The following RCOR1 variants were observed in gnomAD, a reference collection of about 807,000 sequenced individuals.
RCOR1 encodes the protein REST corepressor 1.
Under a neutral mutation model 64.0 loss-of-function variants are expected in RCOR1, and 12 were observed. That is an observed-to-expected ratio of 0.19 (90% CI 0.12 to 0.30). The LOEUF (loss-of-function observed/expected upper bound fraction) is 0.30, where lower values mean the gene tolerates loss of function less well. RCOR1 is among the 10% of genes least tolerant of loss of function. The pLI is 1.00. For synonymous variants in RCOR1, 279 were observed against 227.2 expected (o/e 1.23, Z -2.05); for missense variants, 502 against 621.2 (o/e 0.81, Z 2.04).
chr14:102,666,435 A>G (rs1037021897), intron 2 of RCOR1, among the ~76,000 whole-genome samples: 12 of 152,216 alleles, frequency 7.9e-5, no homozygotes, highest in Non-Finnish European at 1.5e-4. Context: ...TTACATTAGT[A>G]TGGTACATTT....
intron 2 of RCOR1, among the ~76,000 whole-genome samples, chr14:102,677,164 C>G (rs1338594480): frequency 9.5e-5 from 13 of 136,962 alleles, no homozygotes; most frequent in East Asian, 2.3e-4. Context: ...GGGGCTGACC[C>G]CCCCCCACCT....
chr14:102,650,599 C>T (rs552865387), intron 2 of RCOR1, among the ~76,000 whole-genome samples: 11 of 152,234 alleles, frequency 7.2e-5, no homozygotes, highest in Admixed American at 3.3e-4. Context: ...GGAAGTCAGA[C>T]GTGAAAGTTG....
chr14:102,707,300 T>G, intron 4 of RCOR1, 51 bp from the exon 5 acceptor site: 1 of 1,404,130 alleles, frequency 7.1e-7, no homozygotes. Flanking sequence ...CTCATTTCCA[T>G]TTTCATTGTT....
chr14:102,647,736 T>G (rs76298324), intron 2 of RCOR1, among the ~76,000 whole-genome samples: 19,202 of 152,196 alleles, frequency 0.13, 1,454 homozygotes, highest in African/African-American at 0.21. Flanking sequence ...TGGGGCCCAG[T>G]GGCAAGATCT....
At chr14:102,594,327 G>GT (rs1893200513) in intron 2 of RCOR1, among the ~76,000 whole-genome samples, 1 of 150,478 alleles carries the variant, frequency 6.6e-6, no homozygotes, top group African/African-American at 2.4e-5. Flanking sequence ...CTGGGGTTCT[G>GT]TATGTGGGTT....
At chr14:102,595,611 T>C (rs1383757961) in intron 2 of RCOR1, among the ~76,000 whole-genome samples, 1 of 151,604 alleles carries the variant, frequency 6.6e-6, no homozygotes, top group East Asian at 1.9e-4. Context: ...GGAGTCTTGC[T>C]CTGTCCCTCA....
intron 2 of RCOR1, among the ~76,000 whole-genome samples, chr14:102,653,242 G>A (rs1314885363): frequency 6.6e-6 from 1 of 151,226 alleles, no homozygotes; most frequent in Non-Finnish European, 1.5e-5. Flanking sequence ...TTTTAATTGA[G>A]ACTTGTCTTA....
chr14:102,711,290 A>G (rs1595241797), intron 7 of RCOR1, among the ~76,000 whole-genome samples: 1 of 152,362 alleles, frequency 6.6e-6, no homozygotes, highest in East Asian at 1.9e-4. Context: ...TTCGTAAGCC[A>G]TTAGCTCAGT....
intron 2 of RCOR1, among the ~76,000 whole-genome samples, chr14:102,620,284 G>A (rs1893848353): frequency 6.6e-6 from 1 of 151,326 alleles, no homozygotes; most frequent in Non-Finnish European, 1.5e-5. Flanking sequence ...AAAATTAGTC[G>A]CGGCGGGGTG....
intron 2 of RCOR1, among the ~76,000 whole-genome samples, chr14:102,622,511 A>G (rs1893894989): frequency 6.6e-6 from 1 of 151,350 alleles, no homozygotes; most frequent in Non-Finnish European, 1.5e-5. Context: ...CTTTTCATGG[A>G]CTCTGCATTT....
chr14:102,689,475 A>T (rs1895489916), intron 3 of RCOR1, among the ~76,000 whole-genome samples: 1 of 152,162 alleles, frequency 6.6e-6, no homozygotes, highest in Non-Finnish European at 1.5e-5. Flanking sequence ...GAAGGAGCAA[A>T]TTTCTCAGAT....
chr14:102,625,939 C>G (rs1468111218), intron 2 of RCOR1, among the ~76,000 whole-genome samples: 1 of 152,144 alleles, frequency 6.6e-6, no homozygotes, highest in Non-Finnish European at 1.5e-5. Flanking sequence ...TTCTTAGTTC[C>G]TTGACCTCTA....
intron 2 of RCOR1, among the ~76,000 whole-genome samples, chr14:102,638,158 T>C (rs749894659): frequency 6.6e-6 from 1 of 152,194 alleles, no homozygotes; most frequent in Admixed American, 6.5e-5. Context: ...ATTTTGGGGA[T>C]AGCACACATA....
At chr14:102,605,041 CTGGGTGA>C (rs1300639958) in intron 2 of RCOR1, among the ~76,000 whole-genome samples, 20 of 143,998 alleles carry the variant, frequency 1.4e-4, no homozygotes, top group Non-Finnish European at 2.5e-4. Flanking sequence ...GCACTCCAGC[CTGGGTGA>C]CAGAGCAATA....
intron 2 of RCOR1, among the ~76,000 whole-genome samples, chr14:102,629,533 A>G (rs1169914948): frequency 6.6e-6 from 1 of 151,336 alleles, no homozygotes; most frequent in Non-Finnish European, 1.5e-5. Flanking sequence ...ATACGGACGG[A>G]ATTTCGAAGC....
At chr14:102,649,511 A>G (rs1016197977) in intron 2 of RCOR1, among the ~76,000 whole-genome samples, 8 of 152,236 alleles carry the variant, frequency 5.3e-5, no homozygotes, top group African/African-American at 1.9e-4. Flanking sequence ...TGTGACTTCT[A>G]TTCCATGCAC....
At chr14:102,637,157 T>TA (rs1340004491) in intron 2 of RCOR1, among the ~76,000 whole-genome samples, 1 of 150,506 alleles carries the variant, frequency 6.6e-6, no homozygotes, top group Non-Finnish European at 1.5e-5. Flanking sequence ...GACGGAGTCT[T>TA]ACTCTGTCGC....
Position 102,730,156 on chromosome 14 carries a change from C to T in RCOR1, c.*3650C>T, listed in dbSNP as rs1048296648. The T allele has an allele frequency of 1.0e-5, 4 of 397,660 alleles. No homozygotes were observed. Among genetic ancestry groups the T allele is most frequent in the South Asian group, 1.4e-4 (1 of 7,032 alleles). The allele number at this position is 397,660 out of a possible 1,614,324, so 24.6% of individuals were successfully genotyped here. On this transcript the variant is annotated 3_prime_UTR_variant, in exon 12 of 12. Transcript: ENST00000262241. ...CCTTCTCCTAAAACGAAATTTATAC[C>T]GGGGTGGATAGTATTCCATTAGGTA...
In RCOR1 at chr14:102,681,931, T is replaced by C; in HGVS notation, c.398T>C (p.Leu133Pro). Residue 133 changes from leucine to proline, a missense_variant, in exon 3 of 12, where the codon CTT (leucine) becomes CCT (proline). Transcript: ENST00000262241. ...AGACGCAGTCAAGAACGGGACAATC[T>C]TGGCATGTTGGTCTGGTCACCCAAT... ...LARRSQERDN[L>P]GMLVWSPNQN... The C allele has an allele frequency of 6.2e-7, 1 of 1,614,046 alleles. No individual in the cohort carries two copies. Among genetic ancestry groups the C allele is most frequent in the Non-Finnish European group, 8.5e-7 (1 of 1,179,896 alleles).
Sources: gnomAD v4.1 joint callset for allele counts (sites outside exome capture counted in the v4.1 genomes callset) on GRCh38, gnomAD v4.1.1 for gene constraint, MANE v1.5 for transcripts, NCBI Gene and HGNC (gene_info 2026-07-23, HGNC 2026-07-21) for gene names.